NEO1: variants seen among roughly 807,000 people sequenced by gnomAD.
The protein encoded by NEO1 is neogenin 1.
A neutral mutation model predicts 159.7 loss-of-function variants in NEO1; 63 were observed. That is an observed-to-expected ratio of 0.39 (90% confidence interval 0.32 to 0.49). The LOEUF (loss-of-function observed/expected upper bound fraction) is 0.49. Among genes scored for constraint, NEO1 ranks in the 20% least tolerant of loss-of-function variants. NEO1 has a pLI of 0.85. For missense variants in NEO1, 1,615 were observed against 1,831.0 expected (o/e 0.88, Z 2.15); for synonymous variants, 633 against 662.0 (o/e 0.96, Z 0.67).
At chr15:73,249,973 C>T (rs184261425) in intron 11 of NEO1, among the ~76,000 whole-genome samples, 194 of 152,268 alleles carry the variant, frequency 1.3e-3, no homozygotes, top group South Asian at 3.5e-3. Flanking sequence ...TGGATAGGCT[C>T]TCAGCGTTTG....
Position 73,236,357 on chromosome 15 carries a change from A to T in NEO1, c.1302A>T (p.Thr434=). 6.2e-7 allele frequency: 1 copy of T among 1,614,104 alleles called. No homozygotes were observed. Among genetic ancestry groups the T allele is most frequent in the Non-Finnish European group, 8.5e-7 (1 of 1,180,008 alleles). The stretch of plus-strand genomic sequence containing the variant: ...CTACTGACCATCTAGCACCAGCCAC[A>T]ACGGGACCACTGCCTTCAGCTCCTC... ...QLIILEHAPA[T]TGPLPSAPRD... The change falls in exon 8 of 29, where the codon ACA becomes ACT. Residue 434 remains threonine (T), a synonymous_variant. Transcript: ENST00000261908.
At chr15:73,257,132 C>A (rs1395507494) in intron 13 of NEO1, among the ~76,000 whole-genome samples, 81 of 54,752 alleles carry the variant, frequency 1.5e-3, no homozygotes, top group African/African-American at 2.9e-3. Context: ...ACTCTGTCTC[C>A]AAAAAAAAAA....
At chr15:73,251,353 AAAT>A (rs2040054633) in intron 11 of NEO1, among the ~76,000 whole-genome samples, 1 of 151,996 alleles carries the variant, frequency 6.6e-6, no homozygotes, top group South Asian at 2.1e-4. Flanking sequence ...TCTACTTAAA[AAAT>A]AATAATAATA....
At chr15:73,162,693 T>C (rs4776627) in intron 5 of NEO1, 141,661 of 164,416 alleles carry the variant, frequency 0.86, 62,183 homozygotes, top group Non-Finnish European at 0.94. Context: ...TCATCATGCC[T>C]GGCCAGTTGC....
At chr15:73,125,450 C>T (rs1457237997) in intron 3 of NEO1, among the ~76,000 whole-genome samples, 2 of 152,172 alleles carry the variant, frequency 1.3e-5, no homozygotes, top group Admixed American at 6.5e-5. Context: ...TGTCACTAAT[C>T]GATTAGGCAA....
chr15:73,198,168 C>T (rs887975390), intron 7 of NEO1, among the ~76,000 whole-genome samples: 3 of 151,872 alleles, frequency 2.0e-5, no homozygotes, highest in Non-Finnish European at 4.4e-5. Context: ...CGTATTTAGC[C>T]ATTTTTTTTT....
At chr15:73,163,622 T>C (rs2034347835) in intron 5 of NEO1, among the ~76,000 whole-genome samples, 1 of 152,234 alleles carries the variant, frequency 6.6e-6, no homozygotes, top group African/African-American at 2.4e-5. Flanking sequence ...TTTATCAAAC[T>C]TTAATGTACC....
intron 19 of NEO1, 61 bp downstream of exon 19, chr15:73,272,623 A>T: frequency 8.4e-7 from 1 of 1,188,596 alleles, no homozygotes; most frequent in Non-Finnish European, 1.2e-6. Context: ...GGAGTATTCC[A>T]GGAGAGTACC....
chr15:73,238,487 T>A (rs1019532155), intron 8 of NEO1, among the ~76,000 whole-genome samples: 3 of 151,798 alleles, frequency 2.0e-5, no homozygotes, highest in Non-Finnish European at 4.4e-5. Context: ...GTAATCATGT[T>A]GAGATTGATT....
chr15:73,261,155 A>C (rs1385472350), intron 15 of NEO1, among the ~76,000 whole-genome samples: 3 of 151,708 alleles, frequency 2.0e-5, no homozygotes, highest in Non-Finnish European at 4.4e-5. Context: ...TTTTGACAAC[A>C]TAGTAAGATG....
At chr15:73,260,687 A>G (rs1190236087) in intron 15 of NEO1, among the ~76,000 whole-genome samples, 1 of 152,088 alleles carries the variant, frequency 6.6e-6, no homozygotes, top group Non-Finnish European at 1.5e-5. Flanking sequence ...TCTTCATTAC[A>G]TTCAGGTTTT....
At chr15:73,078,291 C>A (rs1466407289) in intron 1 of NEO1, among the ~76,000 whole-genome samples, 4 of 152,050 alleles carry the variant, frequency 2.6e-5, no homozygotes, top group African/African-American at 4.8e-5. Context: ...GCAGGAGAAG[C>A]AGGGAGAAGG....
rs368373534 is a variant in NEO1 at position 73,236,434 on chromosome 15, G to A, written c.1379G>A (p.Arg460Gln). Residue 460 changes from arginine (R) to glutamine (Q), a missense_variant, in exon 8 of 29, where the codon CGG (arginine) becomes CAG (glutamine). Physicochemically the swap from Arg to Gln is conservative, Grantham distance 43 (BLOSUM62 1). Transcript: ENST00000261908. ...VSTRFIKLTW[R>Q]TPASDPHGDN... The stretch of plus-strand genomic sequence containing the variant: ...ACCCGCTTCATCAAATTGACGTGGC[G>A]GACACCTGCATCAGATCCTCACGGA... 1.9e-6 allele frequency: 3 copies of A among 1,614,048 alleles called. No individual in the cohort carries two copies. The highest frequency in any genetic ancestry group is 2.2e-5 in the East Asian group (1 of 44,856).
rs551537088 is a variant in NEO1, at chr15:73,122,710, A to G, written c.634A>G (p.Thr212Ala). 2.0e-5 allele frequency: 32 copies of G among 1,614,212 alleles called. No homozygotes were observed. Among genetic ancestry groups the G allele is most frequent in the South Asian group, 3.3e-5 (3 of 91,086 alleles). ...PSGMLVISNA[T>A]EGDGGLYRCV... ...TGGAATGCTGGTTATCAGCAATGCA[A>G]CTGAAGGAGATGGCGGGCTTTATCG... The change falls in exon 3 of 29, where the codon ACT becomes GCT. Residue 212 changes from threonine to alanine, a missense_variant. Physicochemically the swap from Thr to Ala is moderately conservative, Grantham distance 58. Transcript: ENST00000261908.
intron 4 of NEO1, 81 bp downstream of exon 4, chr15:73,126,651 T>A: frequency 7.6e-7 from 1 of 1,323,106 alleles, no homozygotes; most frequent in Non-Finnish European, 1.0e-6. Flanking sequence ...TTGACTAATT[T>A]AAAAAGATTA....
At chr15:73,133,923 G>A (rs2031442601) in intron 4 of NEO1, among the ~76,000 whole-genome samples, 1 of 152,038 alleles carries the variant, frequency 6.6e-6, no homozygotes, top group Admixed American at 6.5e-5. Flanking sequence ...GGCACATCAA[G>A]TATCAACAAT....
chr15:73,213,623 T>C (rs1345291559), intron 7 of NEO1, among the ~76,000 whole-genome samples: 3 of 152,214 alleles, frequency 2.0e-5, no homozygotes, highest in African/African-American at 4.8e-5. Context: ...GGCTGAGTAG[T>C]ATTCCATCGT....
chr15:73,250,616 A>G (rs1024638048), intron 11 of NEO1, among the ~76,000 whole-genome samples: 23 of 152,202 alleles, frequency 1.5e-4, no homozygotes, highest in African/African-American at 5.3e-4. Context: ...TGATGAAACA[A>G]TCAGACAAAT....
intron 1 of NEO1, among the ~76,000 whole-genome samples, chr15:73,105,376 A>G (rs1360880484): frequency 6.6e-6 from 1 of 152,186 alleles, no homozygotes; most frequent in Non-Finnish European, 1.5e-5. Flanking sequence ...GTTTATTGTA[A>G]TTGCTTAGAC....
Sources: allele counts gnomAD v4.1 joint callset (sites outside exome capture counted in the v4.1 genomes callset), GRCh38; gene constraint gnomAD v4.1.1; transcripts MANE v1.5; gene names NCBI Gene and HGNC (gene_info 2026-07-23, HGNC 2026-07-21).